ACBD7: variants seen among roughly 807,000 people sequenced by gnomAD.
ACBD7 encodes the protein acyl-CoA-binding domain-containing protein 7.
Under a neutral mutation model 13.7 loss-of-function variants are expected in ACBD7, and 11 were observed. The ratio of observed to expected loss-of-function variants is 0.80; its 90% CI spans 0.50 to 1.33. ACBD7 has a LOEUF of 1.33. Among genes scored for constraint, ACBD7 ranks in the 40% most tolerant of loss-of-function variants. ACBD7 has a pLI of 0.00. For missense variants in ACBD7, 111 were observed against 103.0 expected, an observed-to-expected ratio of 1.08 and a Z score of -0.33; for synonymous variants, 43 against 37.7, an observed-to-expected ratio of 1.14 and a Z score of -0.51.
At chr10:15,080,506 G>A (rs1844737648) in intron 1 of ACBD7, among the ~76,000 whole-genome samples, 1 of 151,778 alleles carries the variant, frequency 6.6e-6, no homozygotes, top group Non-Finnish European at 1.5e-5. Context: ...CTTGAACCTG[G>A]GAGGCGGAGG....
chr10:15,079,089 G>C (rs1172618299), intron 1 of ACBD7, 49 bp from the exon 2 acceptor site: 1 of 1,287,918 alleles, frequency 7.8e-7, no homozygotes, highest in African/African-American at 1.5e-5. Context: ...TACCACCAAG[G>C]AATAGGAACT....
intron 1 of ACBD7, among the ~76,000 whole-genome samples, chr10:15,084,210 A>C (rs1268201920): frequency 1.3e-5 from 2 of 150,976 alleles, no homozygotes; most frequent in East Asian, 3.9e-4. Flanking sequence ...CAAATCAATA[A>C]ATAAACAATC....
Position 15,076,907 on chromosome 10 carries a change from C to T in ACBD7, c.*1623G>A, listed in dbSNP as rs1472571997. Reference sequence around the variant, plus strand: ...ACAAACAGCTGTTCAAATCTGTACACATATTACCAGGGCTAGACTTTCTAA... The same window carrying T: ...ACAAACAGCTGTTCAAATCTGTACATATATTACCAGGGCTAGACTTTCTAA... On this transcript the variant is annotated 3_prime_UTR_variant, in exon 4 of 4. Transcript: ENST00000356189. 2 of 985,368 alleles carry T rather than the reference C, an allele frequency of 2.0e-6. No individual in the cohort carries two copies. Among genetic ancestry groups the T allele is most frequent in the South Asian group, 9.4e-5 (2 of 21,286 alleles). 61.0% of individuals were successfully genotyped at this position (985,368 alleles called of 1,614,324 possible). A position where few individuals can be genotyped will look rare whatever the true frequency, so the allele number is the denominator to read the frequency against.
intron 1 of ACBD7, 48 bp downstream of exon 1, chr10:15,088,668 TC>T: frequency 6.3e-7 from 1 of 1,585,604 alleles, no homozygotes; most frequent in Non-Finnish European, 8.5e-7. Context: ...ACTTAAGCAC[TC>T]CCCTCGCGGA....
intron 1 of ACBD7, among the ~76,000 whole-genome samples, chr10:15,085,469 C>G (rs996121972): frequency 5.9e-5 from 9 of 152,224 alleles, no homozygotes; most frequent in African/African-American, 2.2e-4. Flanking sequence ...TTGGCAAGGT[C>G]TTCTTGAGCA....
chr10:15,078,357 A>G lies in ACBD7; in HGVS notation c.*173T>C. On this transcript the variant is annotated 3_prime_UTR_variant, in exon 4 of 4. Coordinates refer to ENST00000356189, the MANE Select transcript of ACBD7 (RefSeq NM_001039844.3). ...ACTTTTAAAGACACCTGGTTTAAGC[A>G]AGTACAATTGAGTTAACTATGTAGT... The G allele has an allele frequency of 6.8e-7, 1 of 1,469,110 alleles. No individual in the cohort carries two copies. The highest frequency in any genetic ancestry group is 9.0e-7 in the Non-Finnish European group (1 of 1,117,124). The allele number at this position is 1,469,110 out of a possible 1,614,324, so 91.0% of individuals were successfully genotyped here.
At chr10:15,083,365 C>T (rs752166290) in intron 1 of ACBD7, among the ~76,000 whole-genome samples, 1 of 152,230 alleles carries the variant, frequency 6.6e-6, no homozygotes, top group Non-Finnish European at 1.5e-5. Context: ...GTTTGACTTC[C>T]AGCTTTGAGA....
At position 15,077,220 on chromosome 10, in the gene ACBD7, C is replaced by T. The variant is rs191457147; in HGVS notation, c.*1310G>A. ...TCAGCAGATGATGGGATAAAGAAAA[C>T]GTTGTATATGTATACCAGGGGATAT... On this transcript the variant is annotated 3_prime_UTR_variant, in exon 4 of 4. Coordinates refer to ENST00000356189, the MANE Select transcript of ACBD7 (RefSeq NM_001039844.3). Among the ~76,000 whole-genome samples the T allele has an allele frequency of 3.3e-5, 5 of 152,008 alleles. No individual in the cohort carries two copies. Among genetic ancestry groups the T allele is most frequent in the East Asian group, 1.9e-4 (1 of 5,162 alleles).
Position 15,076,724 on chromosome 10 carries a change from G to A in ACBD7, c.*1806C>T, listed in dbSNP as rs1269612154. 4 of 920,952 alleles carry A rather than the reference G, an allele frequency of 4.3e-6. No individual in the cohort carries two copies. The highest frequency in any genetic ancestry group is 6.2e-5 in the Admixed American group (1 of 16,164). 57.0% of individuals were successfully genotyped at this position (920,952 alleles called of 1,614,324 possible). A position where few individuals can be genotyped will look rare whatever the true frequency, so the allele number is the denominator to read the frequency against. On this transcript the variant is annotated 3_prime_UTR_variant, in exon 4 of 4. Transcript: ENST00000356189. ...TTGCAATGTTGGTCAGGCTGGTCTC[G>A]AACTTCTGACCTCAGTAATCCACCT...
intron 1 of ACBD7, among the ~76,000 whole-genome samples, chr10:15,086,483 A>T (rs1376766291): frequency 6.6e-6 from 1 of 152,250 alleles, no homozygotes; most frequent in Non-Finnish European, 1.5e-5. Context: ...AAACCAAAGT[A>T]CTAAGCTAAA....
In ACBD7 at chr10:15,077,252, G is replaced by A. The variant is rs2131390974; in HGVS notation, c.*1278C>T. Among the ~76,000 whole-genome samples, 1 of 152,212 alleles carries A rather than the reference G, an allele frequency of 6.6e-6. No individual in the cohort carries two copies. Among genetic ancestry groups the A allele is most frequent in the East Asian group, 1.9e-4 (1 of 5,186 alleles). On this transcript the variant is annotated 3_prime_UTR_variant, in exon 4 of 4. Coordinates refer to ENST00000356189, the MANE Select transcript of ACBD7 (RefSeq NM_001039844.3). ...TATGTATACCAGGGGATATTACTCA[G>A]CCATATAAAGAGAATGAAATTACGG...
At position 15,080,269 on chromosome 10, in the gene ACBD7, T is replaced by A. The variant is rs535448665; in HGVS notation, c.13-1229A>T. 3.3e-4 allele frequency among the ~76,000 whole-genome samples: 51 copies of A among 152,250 alleles called. No individual in the cohort carries two copies. The East Asian group carries it at 7.9e-3, about 24-fold the overall frequency. ...TGCTTGAGTGGTATGTTTTTAGACTTCCTGGAAACTCTATATACAATGTAC... is the reference window on the plus strand; with the variant it reads ...TGCTTGAGTGGTATGTTTTTAGACTACCTGGAAACTCTATATACAATGTAC... On this transcript the variant is annotated intron_variant, in intron 1 of 3. Transcript: ENST00000356189.
At chr10:15,088,088 T>TGG (rs10673449) in intron 1 of ACBD7, among the ~76,000 whole-genome samples, 5 of 93,218 alleles carry the variant, frequency 5.4e-5, no homozygotes, top group African/African-American at 5.2e-4. Context: ...GGAATAAAAC[T>TGG]ATATACACAA....
chr10:15,081,539 A>T (rs1467201526), intron 1 of ACBD7, among the ~76,000 whole-genome samples: 1 of 152,252 alleles, frequency 6.6e-6, no homozygotes, highest in African/African-American at 2.4e-5. Context: ...ACATGCAGAC[A>T]TATAACTTAG....
intron 1 of ACBD7, among the ~76,000 whole-genome samples, chr10:15,082,723 G>C (rs1409617844): frequency 6.6e-6 from 1 of 152,042 alleles, no homozygotes; most frequent in Non-Finnish European, 1.5e-5. Flanking sequence ...GCCTTAATTA[G>C]AATTCTAAGC....
rs1196496393 is a variant in ACBD7, at chr10:15,078,738, A to G, written c.146T>C (p.Leu49Pro). 1 of 1,614,020 alleles carries G rather than the reference A, an allele frequency of 6.2e-7. No individual in the cohort carries two copies. The highest frequency in any genetic ancestry group is 8.5e-7 in the Non-Finnish European group (1 of 1,179,982). The change falls in exon 3 of 4, where the codon CTA becomes CCA. Residue 49 changes from leucine (L) to proline (P), a missense_variant. Transcript: ENST00000356189. Reference protein sequence around the residue: ...GDINIACPGMLDLKGKAKWEA... With the variant: ...GDINIACPGMPDLKGKAKWEA... The stretch of plus-strand genomic sequence containing the variant: ...CCATTTGGCTTTGCCTTTTAAATCT[A>G]GCATTCCTGGACACGCTGGCAAAAG...
At chr10:15,084,469 C>CG (rs1428807543) in intron 1 of ACBD7, among the ~76,000 whole-genome samples, 2 of 152,028 alleles carry the variant, frequency 1.3e-5, no homozygotes, top group African/African-American at 2.4e-5. Context: ...AAAAATTGGA[C>CG]AAAATGCACA....
intron 1 of ACBD7, among the ~76,000 whole-genome samples, chr10:15,079,836 C>T (rs577460363): frequency 1.9e-4 from 29 of 151,872 alleles, no homozygotes; most frequent in Non-Finnish European, 3.2e-4. Context: ...CTTGGCCTCC[C>T]GAAGTGCTGG....
rs1364808575 is a variant in ACBD7, at chr10:15,076,580, G to A, written c.*1950C>T. ...TGCAGTGGTGTGATCTTGGCTCACT[G>A]CAACCTCCATCTCCTGGGTAAAAGC... On this transcript the variant is annotated 3_prime_UTR_variant, in exon 4 of 4. Transcript: ENST00000356189. 2.8e-6 allele frequency: 2 copies of A among 710,830 alleles called. No individual in the cohort carries two copies. Among genetic ancestry groups the A allele is most frequent in the African/African-American group, 4.0e-5 (2 of 50,404 alleles). The allele number at this position is 710,830 out of a possible 1,614,324, so 44.0% of individuals were successfully genotyped here.
Sources: allele counts gnomAD v4.1 joint callset (sites outside exome capture counted in the v4.1 genomes callset), GRCh38; gene constraint gnomAD v4.1.1; transcripts MANE v1.5; gene names NCBI Gene and HGNC (gene_info 2026-07-23, HGNC 2026-07-21).